PGM2L1: variants seen among roughly 807,000 people sequenced by gnomAD.
PGM2L1 encodes the protein glucose 1,6-bisphosphate synthase.
A neutral mutation model predicts 73.4 loss-of-function variants in PGM2L1; 35 were observed. The ratio of observed to expected loss-of-function variants is 0.48; its 90% CI spans 0.36 to 0.63. The LOEUF is 0.63. Among genes scored for constraint, PGM2L1 ranks in the 30% least tolerant of loss-of-function variants. PGM2L1 has a pLI of 0.00. For synonymous variants in PGM2L1, 225 were observed against 253.8 expected, an observed-to-expected ratio of 0.89 and a Z score of 1.08; for missense variants, 570 against 742.0, an observed-to-expected ratio of 0.77 and a Z score of 2.69.
At chr11:74,377,611 G>C (rs75964977) in intron 1 of PGM2L1, among the ~76,000 whole-genome samples, 5,544 of 152,128 alleles carry the variant, frequency 0.036, 112 homozygotes, top group Middle Eastern at 0.092. Context: ...ACCTCTGAAG[G>C]GGATATTAGG....
chr11:74,382,144 T>C (rs569273883), intron 1 of PGM2L1, among the ~76,000 whole-genome samples: 5 of 152,340 alleles, frequency 3.3e-5, no homozygotes, highest in African/African-American at 4.8e-5. Flanking sequence ...TTTATTGTTA[T>C]GGCTTAGTAA....
chr11:74,356,203 G>A (rs1862452168), intron 5 of PGM2L1, among the ~76,000 whole-genome samples: 1 of 152,038 alleles, frequency 6.6e-6, no homozygotes, highest in African/African-American at 2.4e-5. Flanking sequence ...AGAAATCATT[G>A]TTTTCAGAAA....
intron 5 of PGM2L1, among the ~76,000 whole-genome samples, chr11:74,367,077 T>C (rs1408880893): frequency 6.6e-6 from 1 of 152,078 alleles, no homozygotes; most frequent in African/African-American, 2.4e-5. Context: ...AACCCGTTAG[T>C]AGATAAAATG....
chr11:74,375,474 T>G (rs1862841051), intron 1 of PGM2L1, among the ~76,000 whole-genome samples: 1 of 152,206 alleles, frequency 6.6e-6, no homozygotes, highest in Admixed American at 6.5e-5. Flanking sequence ...GGAAATAAGA[T>G]GAAACATAAC....
At chr11:74,351,091 C>T (rs1418039190) in intron 6 of PGM2L1, among the ~76,000 whole-genome samples, 1 of 152,132 alleles carries the variant, frequency 6.6e-6, no homozygotes, top group Admixed American at 6.5e-5. Context: ...TTCTTTGTGA[C>T]TGGCTTCTTT....
At chr11:74,382,440 T>C (rs1436645367) in intron 1 of PGM2L1, among the ~76,000 whole-genome samples, 1 of 152,216 alleles carries the variant, frequency 6.6e-6, no homozygotes, top group Non-Finnish European at 1.5e-5. Context: ...ATATTACCTT[T>C]TATGGCCTAG....
chr11:74,350,979 C>G (rs2134896010), intron 6 of PGM2L1, among the ~76,000 whole-genome samples: 1 of 152,234 alleles, frequency 6.6e-6, no homozygotes, highest in East Asian at 1.9e-4. Flanking sequence ...AGCCCCCAAC[C>G]CTTTCATTCC....
chr11:74,355,255 C>T (rs371666853), intron 5 of PGM2L1: 1 of 1,283,052 alleles, frequency 7.8e-7, no homozygotes, highest in Non-Finnish European at 1.1e-6. Flanking sequence ...AACAATCAGT[C>T]TTCAAATTTT....
intron 1 of PGM2L1, among the ~76,000 whole-genome samples, chr11:74,383,828 T>TAA (rs1862983893): frequency 8.4e-6 from 1 of 119,416 alleles, no homozygotes; most frequent in African/African-American, 4.3e-5. Context: ...TAAATAAATA[T>TAA]ATATATATAT....
At chr11:74,363,146 C>A (rs1159563668) in intron 5 of PGM2L1, among the ~76,000 whole-genome samples, 1 of 152,222 alleles carries the variant, frequency 6.6e-6, no homozygotes, top group African/African-American at 2.4e-5. Context: ...CTACTGGGTA[C>A]ATAATGAAAT....
chr11:74,389,968 A>AAAAAAAAAAAAAAT (rs1863072163), intron 1 of PGM2L1, among the ~76,000 whole-genome samples: 1 of 137,054 alleles, frequency 7.3e-6, no homozygotes, highest in Admixed American at 7.2e-5. Context: ...AAAAAAAAAA[A>AAAAAAAAAAAAAAT]ATTAGCCAGG....
intron 6 of PGM2L1, among the ~76,000 whole-genome samples, chr11:74,349,804 A>C (rs1862322239): frequency 6.6e-6 from 1 of 152,132 alleles, no homozygotes; most frequent in African/African-American, 2.4e-5. Context: ...TAACATAATT[A>C]CCCATTTGTT....
intron 6 of PGM2L1, among the ~76,000 whole-genome samples, chr11:74,347,698 C>G (rs61045234): frequency 2.0e-5 from 3 of 152,306 alleles, no homozygotes; most frequent in African/African-American, 7.2e-5. Flanking sequence ...CGTTTCTTCA[C>G]TTCCAGTTTA....
intron 5 of PGM2L1, among the ~76,000 whole-genome samples, chr11:74,365,897 A>G (rs1457569902): frequency 6.6e-6 from 1 of 152,234 alleles, no homozygotes; most frequent in African/African-American, 2.4e-5. Context: ...ATGCTGCTAT[A>G]AAGGCACATG....
intron 12 of PGM2L1, among the ~76,000 whole-genome samples, chr11:74,340,928 A>C (rs1387023923): frequency 6.6e-6 from 1 of 152,196 alleles, no homozygotes; most frequent in Non-Finnish European, 1.5e-5. Flanking sequence ...AAAATGCAGA[A>C]ATTTAAAAAA....
Position 74,398,296 on chromosome 11 carries a change from T to G in PGM2L1, c.-135A>C. ...GCATCGGAGACCAACCGCAGGGTGTTCGTAACAGCTCCTGCCGCGGCGTCA... is the reference window on the plus strand; with the variant it reads ...GCATCGGAGACCAACCGCAGGGTGTGCGTAACAGCTCCTGCCGCGGCGTCA... On this transcript the variant is annotated 5_prime_UTR_variant, in exon 1 of 14. Coordinates refer to ENST00000298198, the MANE Select transcript of PGM2L1 (RefSeq NM_173582.6). 7.6e-7 allele frequency: 1 copy of G among 1,320,946 alleles called. No individual in the cohort carries two copies. 81.8% of individuals were successfully genotyped at this position (1,320,946 alleles called of 1,614,324 possible).
intron 5 of PGM2L1, among the ~76,000 whole-genome samples, chr11:74,354,009 A>G (rs1044027459): frequency 2.0e-5 from 3 of 151,712 alleles, no homozygotes; most frequent in African/African-American, 7.3e-5. Flanking sequence ...AAAACATAAG[A>G]AAAAAAATCC....
chr11:74,338,668 A>C, intron 12 of PGM2L1, 67 bp from the exon 13 acceptor site: 1 of 1,498,778 alleles, frequency 6.7e-7, no homozygotes, highest in Non-Finnish European at 9.1e-7. Context: ...CATTTTCAAG[A>C]ATTGTAAAAT....
Position 74,333,790 on chromosome 11 carries a change from T to G in PGM2L1, c.*2862A>C, listed in dbSNP as rs1302168319. 2 of 152,270 alleles carry G rather than the reference T, an allele frequency of 1.3e-5. No homozygotes were observed. Among genetic ancestry groups the G allele is most frequent in the Non-Finnish European group, 2.9e-5 (2 of 68,048 alleles). 9.4% of individuals were successfully genotyped at this position (152,270 alleles called of 1,614,324 possible). A position where few individuals can be genotyped will look rare whatever the true frequency, so the allele number is the denominator to read the frequency against. On this transcript the variant is annotated 3_prime_UTR_variant, in exon 14 of 14. Transcript: ENST00000298198. The stretch of plus-strand genomic sequence containing the variant: ...GCTTATTTCTACTGTTTATTTCCAA[T>G]GTATGCTTTGATCTTGCCCTACTAA...
Sources: allele counts gnomAD v4.1 joint callset (sites outside exome capture counted in the v4.1 genomes callset), GRCh38; gene constraint gnomAD v4.1.1; transcripts MANE v1.5; gene names NCBI Gene and HGNC (gene_info 2026-07-23, HGNC 2026-07-21).